The following STAM2 variants were observed in gnomAD, a reference collection of about 807,000 sequenced individuals.
STAM2 encodes the protein signal transducing adaptor molecule 2, also known as signal transducing adapter molecule 2.
STAM2 carries 51 observed loss-of-function variants against 65.6 expected under a neutral mutation model. The ratio of observed to expected loss-of-function variants is 0.78; its 90% CI spans 0.62 to 0.98. The LOEUF is 0.98. Ranked by LOEUF, STAM2 falls within the 50% of genes least tolerant of loss-of-function variation. The probability of loss-of-function intolerance (pLI) is 0.00; values close to 1 mark genes in which losing one functional copy is unlikely to be tolerated. For synonymous variants in STAM2, 198 were observed against 208.4 expected, an observed-to-expected ratio of 0.95 and a Z score of 0.43; for missense variants, 584 against 617.8, an observed-to-expected ratio of 0.95 and a Z score of 0.58.
chr2:152,122,072 A>ATGTGTG (rs766266255), intron 13 of STAM2, among the ~76,000 whole-genome samples: 88 of 108,316 alleles, frequency 8.1e-4, no homozygotes, highest in Admixed American at 1.7e-3. Context: ...ATATATATAT[A>ATGTGTG]TATATGTGTG....
rs183242922 is a variant in STAM2, at chr2:152,144,828, C to T, written c.517+60G>A. On this transcript the variant is annotated intron_variant, in intron 6 of 13. Coordinates refer to ENST00000263904, the MANE Select transcript of STAM2 (RefSeq NM_005843.6). ...CTGGGATTACAGGCGTGAGCCACCG[C>T]GCCCAGCCCTGGCAAAGATATTTTA... 1.7e-3 allele frequency: 2,447 copies of T among 1,473,970 alleles called. 32 individuals carry two copies. The African/African-American group carries it at 0.027, about 16-fold the overall frequency. The allele number at this position is 1,473,970 out of a possible 1,614,324, so 91.3% of individuals were successfully genotyped here.
chr2:152,174,310 G>C (rs1158935810), intron 1 of STAM2, among the ~76,000 whole-genome samples: 1 of 152,078 alleles, frequency 6.6e-6, no homozygotes, highest in Non-Finnish European at 1.5e-5. Context: ...AAAAGTACAG[G>C]TTGCACAAAG....
chr2:152,164,691 T>C (rs985732295), intron 1 of STAM2, among the ~76,000 whole-genome samples: 11 of 152,186 alleles, frequency 7.2e-5, no homozygotes, highest in African/African-American at 2.4e-4. Context: ...ATTTAAGAGC[T>C]GCTTCCTCTG....
intron 1 of STAM2, among the ~76,000 whole-genome samples, chr2:152,171,784 T>A (rs1689903007): frequency 6.6e-6 from 1 of 152,208 alleles, no homozygotes; most frequent in African/African-American, 2.4e-5. Context: ...CACAAGCGTA[T>A]CTTTAAAGGA....
At chr2:152,146,876 T>C (rs1321854212) in intron 5 of STAM2, among the ~76,000 whole-genome samples, 1 of 152,198 alleles carries the variant, frequency 6.6e-6, no homozygotes, top group Non-Finnish European at 1.5e-5. Flanking sequence ...ACAAATTTCT[T>C]GAATATAAGG....
At position 152,150,701 on chromosome 2, in the gene STAM2, G is replaced by A. The variant is rs566484094; in HGVS notation, c.41-472C>T. Among the ~76,000 whole-genome samples the A allele has an allele frequency of 1.4e-4, 21 of 152,282 alleles. No homozygotes were observed. In the South Asian group the frequency reaches 4.1e-3, roughly 30 times the overall value. ...AATGCCTGTAATCTTAGCTACTTGG[G>A]AGGCTGAAATGGGAGGATTGCTTGA... On this transcript the variant is annotated intron_variant, in intron 1 of 13. Coordinates refer to ENST00000263904, the MANE Select transcript of STAM2 (RefSeq NM_005843.6).
chr2:152,171,970 A>C (rs1689905526), intron 1 of STAM2, among the ~76,000 whole-genome samples: 1 of 152,172 alleles, frequency 6.6e-6, no homozygotes, highest in South Asian at 2.1e-4. Flanking sequence ...GAATAAGGAA[A>C]TGACATCTTC....
intron 1 of STAM2, among the ~76,000 whole-genome samples, chr2:152,160,818 AGGT>A (rs1380786244): frequency 6.4e-5 from 7 of 109,028 alleles, no homozygotes; most frequent in African/African-American, 2.5e-4. Flanking sequence ...CCGTCCGGGA[AGGT>A]GGTGGGGGGG....
At chr2:152,132,056 C>A (rs1689073868) in intron 11 of STAM2, 58 bp downstream of exon 11, 2 of 1,323,206 alleles carry the variant, frequency 1.5e-6, no homozygotes, top group Admixed American at 1.8e-5. Context: ...TACTGTTTGC[C>A]AAAACACAAG....
In STAM2 at chr2:152,119,619, A is replaced by G. The variant is rs1688812553; in HGVS notation, c.*955T>C. 1 of 152,276 alleles carries G rather than the reference A, an allele frequency of 6.6e-6. No homozygotes were observed. The highest frequency in any genetic ancestry group is 1.5e-5 in the Non-Finnish European group (1 of 68,046). 9.4% of individuals were successfully genotyped at this position (152,276 alleles called of 1,614,324 possible). ...ACGCAATCCCATAAAAAGGATATGC[A>G]GCATCTCTGCACACCACATTGCAGG... On this transcript the variant is annotated 3_prime_UTR_variant, in exon 14 of 14. Transcript: ENST00000263904.
At chr2:152,131,325 C>T (rs180794615) in intron 11 of STAM2, among the ~76,000 whole-genome samples, 12 of 152,010 alleles carry the variant, frequency 7.9e-5, no homozygotes, top group African/African-American at 1.9e-4. Context: ...TGGTGGTGCA[C>T]GCCTGTAATC....
intron 11 of STAM2, among the ~76,000 whole-genome samples, chr2:152,129,018 T>C (rs1296937960): frequency 1.3e-5 from 2 of 152,212 alleles, no homozygotes; most frequent in African/African-American, 4.8e-5. Flanking sequence ...AGGAGCTGCA[T>C]CTGCAGCTGT....
chr2:152,173,279 T>TAA (rs1467854957), intron 1 of STAM2, among the ~76,000 whole-genome samples: 1 of 150,122 alleles, frequency 6.7e-6, no homozygotes, highest in East Asian at 2.0e-4. Context: ...AATGACAATG[T>TAA]AAAGTAACAT....
Position 152,144,893 on chromosome 2 carries a change from G to T in STAM2, c.512C>A (p.Ala171Asp). The T allele has an allele frequency of 6.2e-7, 1 of 1,613,228 alleles. No homozygotes were observed. Among genetic ancestry groups the T allele is most frequent in the Non-Finnish European group, 8.5e-7 (1 of 1,179,266 alleles). ...ACATGTGCTTGATCATTTACCTTTAGCTATGTCTTCATCCTCTTTGTTTTT... is the reference window on the plus strand; with the variant it reads ...ACATGTGCTTGATCATTTACCTTTATCTATGTCTTCATCCTCTTTGTTTTT... ...SNKNKEDEDI[A>D]KAIELSLQEQ... is the part of the protein sequence containing the mutation. Residue 171 changes from alanine to aspartate, a missense_variant, in exon 6 of 14, where the codon GCT becomes GAT. By Grantham distance (126) the Ala-to-Asp change is moderately radical. Coordinates refer to ENST00000263904, the MANE Select transcript of STAM2 (RefSeq NM_005843.6).
intron 1 of STAM2, among the ~76,000 whole-genome samples, chr2:152,163,463 T>C (rs1689721078): frequency 8.7e-6 from 1 of 115,406 alleles, no homozygotes; most frequent in Non-Finnish European, 1.8e-5. Context: ...ACAAATTGAT[T>C]GTAAAAGACG....
chr2:152,131,908 A>G, intron 11 of STAM2: 1 of 537,538 alleles, frequency 1.9e-6, no homozygotes, highest in Non-Finnish European at 3.3e-6. Context: ...TTTATTTAAT[A>G]AAACTTGTCA....
intron 11 of STAM2, among the ~76,000 whole-genome samples, chr2:152,130,475 T>C (rs1233582940): frequency 6.6e-6 from 1 of 151,674 alleles, no homozygotes; most frequent in Non-Finnish European, 1.5e-5. Context: ...ATGGTCTCGA[T>C]CTCCTGACCT....
chr2:152,126,768 C>T (rs1395812509), intron 11 of STAM2, among the ~76,000 whole-genome samples: 1 of 152,218 alleles, frequency 6.6e-6, no homozygotes, highest in Non-Finnish European at 1.5e-5. Context: ...AAAAATCAGA[C>T]TGATTACAGG....
Position 152,161,493 on chromosome 2 carries a change from A to AT in STAM2, c.41-11265dup, listed in dbSNP as rs1491298722. Among the ~76,000 whole-genome samples the AT allele has an allele frequency of 3.4e-3, 260 of 76,522 alleles. 1 individual carries two copies. Among genetic ancestry groups the AT allele is most frequent in the African/African-American group, 0.012 (251 of 20,414 alleles). The allele number at this position is 76,522 out of a possible 152,430, so 50.2% of individuals were successfully genotyped here. A position where few individuals can be genotyped will look rare whatever the true frequency, so the allele number is the denominator to read the frequency against. On this transcript the variant is annotated intron_variant, in intron 1 of 13. Transcript: ENST00000263904. ...TGCGAGAAACACCCAAGAATGATCAATAAAAAAAAAAAAAAAAAAAAAACA... is the reference window on the plus strand; with the variant it reads ...TGCGAGAAACACCCAAGAATGATCAATTAAAAAAAAAAAAAAAAAAAAAACA...
Sources: allele counts gnomAD v4.1 joint callset (sites outside exome capture counted in the v4.1 genomes callset), GRCh38; gene constraint gnomAD v4.1.1; transcripts MANE v1.5; gene names NCBI Gene and HGNC (gene_info 2026-07-23, HGNC 2026-07-21).